Variants in ACYP2 observed in about 807,000 individuals in gnomAD.
ACYP2 encodes the protein acylphosphatase 2.
A neutral mutation model predicts 11.2 loss-of-function variants in ACYP2; 12 were observed. The ratio of observed to expected loss-of-function variants is 1.08; its 90% CI spans 0.69 to 1.74. ACYP2 has a LOEUF of 1.74. Among genes scored for constraint, ACYP2 ranks in the 40% most tolerant of loss-of-function variants. The pLI is 0.00. For missense variants in ACYP2, 134 were observed against 101.9 expected (o/e 1.31, Z -1.35); for synonymous variants, 43 against 32.2 (o/e 1.33, Z -1.13).
chr2:53,985,884 C>G (rs1300965420), intron 2 of ACYP2, among the ~76,000 whole-genome samples: 1 of 152,094 alleles, frequency 6.6e-6, no homozygotes, highest in Non-Finnish European at 1.5e-5. Flanking sequence ...GCCTGTAATC[C>G]CAGCACTTCA....
At chr2:54,210,576 A>G (rs1270473993) in intron 6 of ACYP2, among the ~76,000 whole-genome samples, 1 of 152,214 alleles carries the variant, frequency 6.6e-6, no homozygotes, top group African/African-American at 2.4e-5. Context: ...CCACAAGTCT[A>G]GTTCTATGGT....
intron 6 of ACYP2, among the ~76,000 whole-genome samples, chr2:54,224,908 T>G (rs1278549458): frequency 6.6e-6 from 1 of 152,302 alleles, no homozygotes; most frequent in Non-Finnish European, 1.5e-5. Context: ...TGATTATGTT[T>G]GTGGGGCAAA....
chr2:54,232,886 C>CA (rs1686299103), intron 6 of ACYP2, among the ~76,000 whole-genome samples: 1 of 152,146 alleles, frequency 6.6e-6, no homozygotes, highest in Non-Finnish European at 1.5e-5. Flanking sequence ...CCTCCCTTGA[C>CA]ATATAGGGAT....
At chr2:54,233,228 G>A (rs1013847450) in intron 6 of ACYP2, among the ~76,000 whole-genome samples, 7 of 151,302 alleles carry the variant, frequency 4.6e-5, no homozygotes, top group African/African-American at 1.7e-4. Flanking sequence ...TAGTTTGATA[G>A]CTTTTGACAT....
chr2:54,300,726 G>A (rs959128936), intron 6 of ACYP2, among the ~76,000 whole-genome samples: 1 of 152,150 alleles, frequency 6.6e-6, no homozygotes, highest in Non-Finnish European at 1.5e-5. Flanking sequence ...CCTTATGACA[G>A]TATGTTTGTA....
intron 2 of ACYP2, among the ~76,000 whole-genome samples, chr2:54,031,896 A>T (rs918814562): frequency 2.0e-5 from 3 of 152,084 alleles, no homozygotes; most frequent in Admixed American, 6.6e-5. Flanking sequence ...GCATTTTTTC[A>T]TGTGTCTTTT....
intron 4 of ACYP2, among the ~76,000 whole-genome samples, chr2:54,101,980 A>C (rs926555111): frequency 6.6e-6 from 1 of 152,234 alleles, no homozygotes; most frequent in African/African-American, 2.4e-5. Flanking sequence ...TTTGTATTAC[A>C]GCTCTGTGGG....
In ACYP2 at chr2:53,999,093, G is replaced by T. The variant is rs1182376124; in HGVS notation, c.62+25283G>T. 2.0e-5 allele frequency among the ~76,000 whole-genome samples: 3 copies of T among 152,200 alleles called. No individual in the cohort carries two copies. The East Asian group carries it at 5.8e-4, about 29-fold the overall frequency. On this transcript the variant is annotated intron_variant, in intron 2 of 6. Coordinates refer to ENST00000607452, the MANE Select transcript of ACYP2 (RefSeq NM_001320586.2). ...GGAAATACAAAAAAGGATGTGGGAG[G>T]ATATAATTATCTCTGCTACATAAAG... is the stretch of plus-strand genomic sequence containing the variant.
At chr2:54,096,223 A>C (rs1208095175) in intron 4 of ACYP2, among the ~76,000 whole-genome samples, 1 of 143,450 alleles carries the variant, frequency 7.0e-6, no homozygotes, top group Non-Finnish European at 1.5e-5. Flanking sequence ...GACGCTCCTC[A>C]CCTCCCAGAC....
At chr2:54,243,493 C>T (rs534885799) in intron 6 of ACYP2, among the ~76,000 whole-genome samples, 14 of 149,666 alleles carry the variant, frequency 9.4e-5, no homozygotes, top group South Asian at 8.3e-4. Flanking sequence ...TTTATTTGTT[C>T]ATTCATTCAT....
At chr2:54,200,556 G>A (rs527731620) in intron 6 of ACYP2, among the ~76,000 whole-genome samples, 1 of 152,060 alleles carries the variant, frequency 6.6e-6, no homozygotes, top group East Asian at 1.9e-4. Context: ...TGAGGATAAT[G>A]TTTTCAAGGT....
At position 54,215,901 on chromosome 2, in the gene ACYP2, TTTTACA is replaced by T. The variant is rs542902031; in HGVS notation, c.404+77169_404+77174del. Among the ~76,000 whole-genome samples the T allele has an allele frequency of 4.5e-4, 69 of 152,314 alleles. 1 individual carries two copies. The East Asian group carries it at 0.01, about 23-fold the overall frequency. On this transcript the variant is annotated intron_variant, in intron 6 of 6. Transcript: ENST00000607452. ...GAGTTTGTGCCAAAAAACACAAACA[TTTTACA>T]TTTACATTTACATTTCTGTGAGTCC... is the stretch of plus-strand genomic sequence containing the variant.
intron 2 of ACYP2, among the ~76,000 whole-genome samples, chr2:54,036,410 A>G (rs771146908): frequency 1.2e-4 from 19 of 152,190 alleles, no homozygotes; most frequent in Admixed American, 6.5e-4. Flanking sequence ...CCCTTTTGCC[A>G]TGTAAAGTAA....
intron 6 of ACYP2, among the ~76,000 whole-genome samples, chr2:54,243,742 G>GT (rs1193920230): frequency 3.3e-5 from 5 of 151,688 alleles, no homozygotes; most frequent in Admixed American, 3.3e-4. Context: ...GTTAATTTTT[G>GT]TATCTTTTTT....
intron 2 of ACYP2, among the ~76,000 whole-genome samples, chr2:54,032,789 G>A (rs1196970100): frequency 6.6e-6 from 1 of 152,106 alleles, no homozygotes; most frequent in Non-Finnish European, 1.5e-5. Flanking sequence ...TCTTCAAGGA[G>A]AACTACAAAC....
In ACYP2 at chr2:54,014,322, C is replaced by T. The variant is rs112279032; in HGVS notation, c.63-36636C>T. On this transcript the variant is annotated intron_variant, in intron 2 of 6. Transcript: ENST00000607452. ...TATCTTCACTTTATTTCTTTTTTTA[C>T]CTTTCTTTCTTTCTTTTTTTGAGAT... 9.2e-5 allele frequency among the ~76,000 whole-genome samples: 14 copies of T among 151,814 alleles called. 1 individual carries two copies. The highest frequency in any genetic ancestry group is 3.4e-4 in the African/African-American group (14 of 41,422).
chr2:54,129,763 C>T (rs1408753868), intron 4 of ACYP2, among the ~76,000 whole-genome samples: 1 of 149,124 alleles, frequency 6.7e-6, no homozygotes, highest in Admixed American at 6.7e-5. Context: ...ACTTTGAATG[C>T]AGTAAATTGA....
At chr2:54,178,653 A>G (rs1683576958) in intron 6 of ACYP2, among the ~76,000 whole-genome samples, 1 of 152,200 alleles carries the variant, frequency 6.6e-6, no homozygotes, top group Non-Finnish European at 1.5e-5. Context: ...TGGCCCTTTT[A>G]TATCCCTTGT....
chr2:54,248,331 G>A (rs1687056245), intron 6 of ACYP2, among the ~76,000 whole-genome samples: 1 of 152,122 alleles, frequency 6.6e-6, no homozygotes, highest in African/African-American at 2.4e-5. Flanking sequence ...TATGATAGGT[G>A]GAATAGATAA....
Sources: allele counts gnomAD v4.1 joint callset (sites outside exome capture counted in the v4.1 genomes callset), GRCh38; gene constraint gnomAD v4.1.1; transcripts MANE v1.5; gene names NCBI Gene and HGNC (gene_info 2026-07-23, HGNC 2026-07-21).